Variants in BTN3A2 observed in about 807,000 individuals in gnomAD.
BTN3A2 encodes the protein butyrophilin protein.
Under a neutral mutation model 37.6 loss-of-function variants are expected in BTN3A2, and 25 were observed. The ratio of observed to expected loss-of-function variants is 0.66; its 90% CI spans 0.48 to 0.93. The LOEUF (loss-of-function observed/expected upper bound fraction) is 0.93. BTN3A2 is among the 40% of genes least tolerant of loss of function. The probability of loss-of-function intolerance (pLI) is 0.00; values close to 1 mark genes in which losing one functional copy is unlikely to be tolerated. For synonymous variants in BTN3A2, 122 were observed against 159.4 expected (o/e 0.77, Z 1.77); for missense variants, 266 against 410.9 (o/e 0.65, Z 3.05).
In BTN3A2 at chr6:26,372,806, G is replaced by A. The variant is rs760089763; in HGVS notation, c.716-91G>A. ...CTCATGAGATAGATTCCCCACCCCCGACCTGAGCTGAGCAGCTAAAGCTTG... is the reference window on the plus strand; with the variant it reads ...CTCATGAGATAGATTCCCCACCCCCAACCTGAGCTGAGCAGCTAAAGCTTG... On this transcript the variant is annotated intron_variant, in intron 5 of 10. Transcript: ENST00000377708. The A allele has an allele frequency of 2.1e-5, 32 of 1,492,690 alleles. No homozygotes were observed. The South Asian group carries it at 2.2e-4, about 10-fold the overall frequency. The allele number at this position is 1,492,690 out of a possible 1,614,324, so 92.5% of individuals were successfully genotyped here. A position where few individuals can be genotyped will look rare whatever the true frequency, so the allele number is the denominator to read the frequency against.
In BTN3A2 at chr6:26,375,706, G is replaced by A. The variant is rs1356560494; in HGVS notation, c.*35-91G>A. On this transcript the variant is annotated intron_variant, in intron 10 of 10. Coordinates refer to ENST00000377708, the MANE Select transcript of BTN3A2 (RefSeq NM_007047.5). ...GCCTTGCAGCTATCAGGAAGATGAG[G>A]AGCTTCCTTCATGGCCTGCTGTGGG... is the stretch of plus-strand genomic sequence containing the variant. 8 of 1,535,804 alleles carry A rather than the reference G, an allele frequency of 5.2e-6. No homozygotes were observed. In the African/African-American group the frequency reaches 1.1e-4, roughly 21 times the overall value.
In BTN3A2 at chr6:26,373,263, G is replaced by A. The variant is rs776621922; in HGVS notation, c.917-13G>A. ...TTTTTTTTTTTTTTTTTTTTTTTTTGGTTATTTTCCAGAGAGCCTCCAGGA... is the reference window on the plus strand; with the variant it reads ...TTTTTTTTTTTTTTTTTTTTTTTTTAGTTATTTTCCAGAGAGCCTCCAGGA... On this transcript the variant is annotated splice_polypyrimidine_tract_variant and intron_variant, in intron 6 of 10. Coordinates refer to ENST00000377708, the MANE Select transcript of BTN3A2 (RefSeq NM_007047.5). 13 of 717,484 alleles carry A rather than the reference G, an allele frequency of 1.8e-5. No homozygotes were observed. In the South Asian group the frequency reaches 3.3e-4, roughly 18 times the overall value. 44.4% of individuals were successfully genotyped at this position (717,484 alleles called of 1,614,324 possible). A position where few individuals can be genotyped will look rare whatever the true frequency, so the allele number is the denominator to read the frequency against.
At chr6:26,374,841 G>A in intron 10 of BTN3A2, 43 bp downstream of exon 10, 3 of 1,487,996 alleles carry the variant, frequency 2.0e-6, no homozygotes, top group Non-Finnish European at 2.8e-6. Context: ...CAACCTGAGG[G>A]ACTATATTCC....
At chr6:26,369,685 G>A (rs575189420) in intron 4 of BTN3A2, among the ~76,000 whole-genome samples, 13 of 152,168 alleles carry the variant, frequency 8.5e-5, no homozygotes, top group Admixed American at 5.9e-4. Context: ...CTGTGGTTTG[G>A]ACAATGTTCA....
rs960625095 is a variant in BTN3A2, at chr6:26,377,228, G to C, written c.*1466G>C. 3.4e-5 allele frequency: 34 copies of C among 1,002,324 alleles called. 1 individual carries two copies. Among genetic ancestry groups the C allele is most frequent in the Middle Eastern group, 2.1e-4 (1 of 4,878 alleles). 62.1% of individuals were successfully genotyped at this position (1,002,324 alleles called of 1,614,324 possible). A position where few individuals can be genotyped will look rare whatever the true frequency, so the allele number is the denominator to read the frequency against. ...TAACATCTCTGCTTCTCCCTGCCCA[G>C]CCTGGAGCTAAGGGTCTCACCCTCC... On this transcript the variant is annotated 3_prime_UTR_variant, in exon 11 of 11. Coordinates refer to ENST00000377708, the MANE Select transcript of BTN3A2 (RefSeq NM_007047.5).
chr6:26,376,509 G>A lies in BTN3A2; in HGVS notation c.*747G>A, dbSNP rs1760725254. On this transcript the variant is annotated 3_prime_UTR_variant, in exon 11 of 11. Coordinates refer to ENST00000377708, the MANE Select transcript of BTN3A2 (RefSeq NM_007047.5). ...CCTCAGCATGGCCCAAGCCTTGCAT[G>A]CTGTGGCTCTTAAATCCAGGAAAAA... is the stretch of plus-strand genomic sequence containing the variant. 7.8e-7 allele frequency: 1 copy of A among 1,281,080 alleles called. No homozygotes were observed. Among genetic ancestry groups the A allele is most frequent in the South Asian group, 1.5e-5 (1 of 67,310 alleles). 79.4% of individuals were successfully genotyped at this position (1,281,080 alleles called of 1,614,324 possible). A position where few individuals can be genotyped will look rare whatever the true frequency, so the allele number is the denominator to read the frequency against.
Position 26,376,741 on chromosome 6 carries a change from A to G in BTN3A2, c.*979A>G, listed in dbSNP as rs1309685832. 2.5e-6 allele frequency: 4 copies of G among 1,594,994 alleles called. No individual in the cohort carries two copies. Among genetic ancestry groups the G allele is most frequent in the African/African-American group, 2.7e-5 (2 of 74,648 alleles). Reference sequence around the variant, plus strand: ...GAAAGCTTCATGTCAGAGAGACACTACTGGGAGGTGGAAGTGGGGGACAGA... The same window carrying G: ...GAAAGCTTCATGTCAGAGAGACACTGCTGGGAGGTGGAAGTGGGGGACAGA... On this transcript the variant is annotated 3_prime_UTR_variant, in exon 11 of 11. Coordinates refer to ENST00000377708, the MANE Select transcript of BTN3A2 (RefSeq NM_007047.5).
At chr6:26,375,312 G>A (rs1341074362) in intron 10 of BTN3A2, 2 of 318,540 alleles carry the variant, frequency 6.3e-6, no homozygotes, top group Non-Finnish European at 1.2e-5. Flanking sequence ...CCAACAGTGG[G>A]GAGCTGTCTC....
intron 8 of BTN3A2, chr6:26,373,988 G>A (rs1481004743): frequency 4.2e-6 from 1 of 238,058 alleles, no homozygotes; most frequent in Non-Finnish European, 7.9e-6. Context: ...TGAGAAGGAT[G>A]AATCTTGTAC....
intron 5 of BTN3A2, 132 bp downstream of exon 5, chr6:26,370,735 C>A: frequency 6.9e-7 from 1 of 1,439,956 alleles, no homozygotes; most frequent in Non-Finnish European, 9.3e-7. Context: ...CCTGGAGGCT[C>A]CTCTTTGTGC....
At chr6:26,365,555 G>A (rs1761987129) in intron 1 of BTN3A2, among the ~76,000 whole-genome samples, 1 of 151,148 alleles carries the variant, frequency 6.6e-6, no homozygotes, top group African/African-American at 2.4e-5. Flanking sequence ...TGCACATATG[G>A]GCACGTGGGA....
intron 1 of BTN3A2, among the ~76,000 whole-genome samples, chr6:26,365,826 A>G (rs1248285804): frequency 6.6e-6 from 1 of 152,244 alleles, no homozygotes; most frequent in Non-Finnish European, 1.5e-5. Context: ...TGTTTATTAC[A>G]GAAGTATTTA....
rs770166336 is a variant in BTN3A2 at position 26,370,513 on chromosome 6, A to G, written c.625A>G (p.Ile209Val). The G allele has an allele frequency of 1.9e-5, 31 of 1,614,112 alleles. No individual in the cohort carries two copies. The highest frequency in any genetic ancestry group is 2.5e-5 in the Non-Finnish European group (30 of 1,180,046). The change falls in exon 5 of 11, where the codon ATC becomes GTC. Residue 209 changes from isoleucine (I) to valine (V), a missense_variant. This residue lies in a region of BTN3A2 where 204 missense variants were observed against 232.6 expected (regional missense o/e 0.88). Transcript: ENST00000377708. ...CCTATATGAAGTAGCAGCATCTGTG[A>G]TCATGAGAGGCGGCTCCGGGGAGGG... ...VGLYEVAASVIMRGGSGEGVS... is the reference protein window; with the variant it reads ...VGLYEVAASVVMRGGSGEGVS...
chr6:26,376,834 C>T lies in BTN3A2; in HGVS notation c.*1072C>T, dbSNP rs926080805. The stretch of plus-strand genomic sequence containing the variant: ...AAAAAAGTTTGGGTCAAAATGACAC[C>T]GGAGAACGGATACTGGACTATGGGC... On this transcript the variant is annotated 3_prime_UTR_variant, in exon 11 of 11. Transcript: ENST00000377708. 14 of 1,613,704 alleles carry T rather than the reference C, an allele frequency of 8.7e-6. No homozygotes were observed. The highest frequency in any genetic ancestry group is 6.7e-5 in the East Asian group (3 of 44,888).
At position 26,378,019 on chromosome 6, in the gene BTN3A2, T is replaced by C. The variant is rs1271534237; in HGVS notation, c.*2257T>C. On this transcript the variant is annotated 3_prime_UTR_variant, in exon 11 of 11. Coordinates refer to ENST00000377708, the MANE Select transcript of BTN3A2 (RefSeq NM_007047.5). Reference sequence around the variant, plus strand: ...AGAGCCAGCCTTCCTTCAGTCAAGGTTTCCAGGCAGAGCAAATACCCTAGA... The same window carrying C: ...AGAGCCAGCCTTCCTTCAGTCAAGGCTTCCAGGCAGAGCAAATACCCTAGA... The C allele has an allele frequency of 6.6e-6, 1 of 152,214 alleles. No individual in the cohort carries two copies. The highest frequency in any genetic ancestry group is 1.5e-5 in the Non-Finnish European group (1 of 68,060). 9.4% of individuals were successfully genotyped at this position (152,214 alleles called of 1,614,324 possible).
rs914806643 is a variant in BTN3A2 at position 26,377,946 on chromosome 6, G to A, written c.*2184G>A. The A allele has an allele frequency of 6.6e-6, 1 of 152,358 alleles. No homozygotes were observed. Among genetic ancestry groups the A allele is most frequent in the Non-Finnish European group, 1.5e-5 (1 of 68,158 alleles). 9.4% of individuals were successfully genotyped at this position (152,358 alleles called of 1,614,324 possible). A position where few individuals can be genotyped will look rare whatever the true frequency, so the allele number is the denominator to read the frequency against. On this transcript the variant is annotated 3_prime_UTR_variant, in exon 11 of 11. Transcript: ENST00000377708. ...GAGGCCACACTCAGTTAATAATGGG[G>A]CACAGATGTGTTCCCACCCAACAAA... is the stretch of plus-strand genomic sequence containing the variant.
In BTN3A2 at chr6:26,377,040, T is replaced by C; in HGVS notation, c.*1278T>C. On this transcript the variant is annotated 3_prime_UTR_variant, in exon 11 of 11. Coordinates refer to ENST00000377708, the MANE Select transcript of BTN3A2 (RefSeq NM_007047.5). Reference sequence around the variant, plus strand: ...GCACGCCTCTTCCTCTGAGCCTCTGTATCCTGTATTCAGAATTTTGACCTT... The same window carrying C: ...GCACGCCTCTTCCTCTGAGCCTCTGCATCCTGTATTCAGAATTTTGACCTT... 7.2e-7 allele frequency: 1 copy of C among 1,383,258 alleles called. No homozygotes were observed. The highest frequency in any genetic ancestry group is 1.0e-6 in the Non-Finnish European group (1 of 973,854). 85.7% of individuals were successfully genotyped at this position (1,383,258 alleles called of 1,614,324 possible).
chr6:26,373,338 T>G (rs1430699168), intron 7 of BTN3A2, 42 bp downstream of exon 7: 19 of 1,604,640 alleles, frequency 1.2e-5, no homozygotes, highest in Non-Finnish European at 1.5e-5. Context: ...TGTCTTCCTA[T>G]CCTCGCTTTG....
intron 5 of BTN3A2, among the ~76,000 whole-genome samples, chr6:26,372,449 G>C (rs555224491): frequency 1.3e-5 from 2 of 152,248 alleles, no homozygotes; most frequent in East Asian, 3.9e-4. Context: ...CTAGTCACAT[G>C]GGGGAGCCAG....
Sources: allele counts gnomAD v4.1 joint callset (sites outside exome capture counted in the v4.1 genomes callset), GRCh38; gene constraint gnomAD v4.1.1; regional missense constraint gnomAD v4.1.1; transcripts MANE v1.5; gene names NCBI Gene and HGNC (gene_info 2026-07-23, HGNC 2026-07-21).